MISFA: variants seen among roughly 807,000 people sequenced by gnomAD.
MISFA encodes the protein mitochondrial sheath formation-associated protein.
chr11:18,605,846 T>C, the MISFA span, among the ~76,000 whole-genome samples: 1 of 152,052 alleles, frequency 6.6e-6, no homozygotes, highest in Non-Finnish European at 1.5e-5. Flanking sequence ...CACGCCACAT[T>C]TTTGTATTTT....
At chr11:18,602,763 AAT>A in the MISFA span, 1 of 197,446 alleles carries the variant, frequency 5.1e-6, no homozygotes, top group African/African-American at 2.3e-5. Flanking sequence ...GTGACGAGTT[AAT>A]GAGTATACTG....
the MISFA span, chr11:18,606,713 A>G: frequency 7.7e-5 from 31 of 404,976 alleles, no homozygotes; most frequent in African/African-American, 5.6e-4. Context: ...CTCTCTTCAT[A>G]TATTTATTCT....
the MISFA span, among the ~76,000 whole-genome samples, chr11:18,605,738 T>C: frequency 2.0e-5 from 3 of 152,168 alleles, no homozygotes; most frequent in African/African-American, 7.2e-5. Context: ...TCACCCAGGA[T>C]AGAGTGCAGT....
At chr11:18,607,081 T>C in the MISFA span, 4 of 211,252 alleles carry the variant, frequency 1.9e-5, no homozygotes, top group Non-Finnish European at 3.8e-5. Context: ...CAGGCTGGTC[T>C]CGAACTCCTG....
chr11:18,600,071 G>A, the MISFA span: 2 of 398,632 alleles, frequency 5.0e-6, no homozygotes, highest in African/African-American at 2.1e-5. Context: ...TGGGTTTTCT[G>A]ACCAAATGGG....
the MISFA span, among the ~76,000 whole-genome samples, chr11:18,605,478 G>T: frequency 6.6e-6 from 1 of 152,224 alleles, no homozygotes; most frequent in African/African-American, 2.4e-5. Flanking sequence ...TGTTATTTGG[G>T]AAGTTTGCTT....
At chr11:18,604,917 C>G in the MISFA span, among the ~76,000 whole-genome samples, 1 of 152,110 alleles carries the variant, frequency 6.6e-6, no homozygotes, top group East Asian at 1.9e-4. Flanking sequence ...TATCCAAGAT[C>G]TTGCTGTTTA....
At chr11:18,600,114 G>A in the MISFA span, 1 of 397,880 alleles carries the variant, frequency 2.5e-6, no homozygotes, top group Admixed American at 4.4e-5. Flanking sequence ...CTAACTGGAA[G>A]TCAGAATGTG....
At chr11:18,600,195 T>A in the MISFA span, among the ~76,000 whole-genome samples, 3 of 152,170 alleles carry the variant, frequency 2.0e-5, no homozygotes, top group African/African-American at 7.2e-5. Flanking sequence ...TTTTTTATTT[T>A]TTATTTATTA....
the MISFA span, chr11:18,599,957 T>C: frequency 7.5e-6 from 3 of 399,124 alleles, no homozygotes; most frequent in Non-Finnish European, 8.8e-6. Context: ...ATGTTTTTTG[T>C]TGGACTTGTG....
chr11:18,606,814 C>T, the MISFA span: 3 of 370,056 alleles, frequency 8.1e-6, no homozygotes, highest in Non-Finnish European at 1.5e-5. Context: ...CAATTTATTT[C>T]TTGGAGAAAA....
the MISFA span, among the ~76,000 whole-genome samples, chr11:18,604,339 A>G: frequency 9.2e-5 from 14 of 151,700 alleles, no homozygotes; most frequent in African/African-American, 3.4e-4. Flanking sequence ...CTTCTGCTAC[A>G]TGGTCTCTAA....
At chr11:18,606,489 C>T in the MISFA span, 1 of 184,906 alleles carries the variant, frequency 5.4e-6, no homozygotes. Context: ...TATTCTCTTG[C>T]AGGTCAACAG....
the MISFA span, among the ~76,000 whole-genome samples, chr11:18,603,612 A>G: frequency 6.6e-6 from 1 of 152,262 alleles, no homozygotes; most frequent in Non-Finnish European, 1.5e-5. Context: ...TCAGCTCCCC[A>G]GTGCTAAGCT....
chr11:18,605,329 G>C, the MISFA span, among the ~76,000 whole-genome samples: 1 of 152,062 alleles, frequency 6.6e-6, no homozygotes, highest in Non-Finnish European at 1.5e-5. Context: ...GCCTGAGAGA[G>C]ACCTAACAGG....
At chr11:18,606,852 T>C in the MISFA span, 1 of 364,722 alleles carries the variant, frequency 2.7e-6, no homozygotes, top group Non-Finnish European at 5.1e-6. Context: ...AAAATGAAAA[T>C]TTGAGTTCCC....
chr11:18,601,155 C>T, the MISFA span: 9 of 398,568 alleles, frequency 2.3e-5, no homozygotes, highest in South Asian at 3.8e-4. Flanking sequence ...ACTGAGGAGG[C>T]GGGCTTTAGG....
At chr11:18,600,983 AGGGATTGGT>A in the MISFA span, 1 of 397,204 alleles carries the variant, frequency 2.5e-6, no homozygotes, top group Non-Finnish European at 4.4e-6. Flanking sequence ...GGGGGACGGT[AGGGATTGGT>A]GGGACCTTTT....
chr11:18,604,128 G>A, the MISFA span, among the ~76,000 whole-genome samples: 1 of 151,460 alleles, frequency 6.6e-6, no homozygotes, highest in Non-Finnish European at 1.5e-5. Flanking sequence ...GGGTTTCACC[G>A]TGTTATCCAG....
Sources: allele counts gnomAD v4.1 joint callset (sites outside exome capture counted in the v4.1 genomes callset), GRCh38; gene constraint gnomAD v4.1.1; transcripts MANE v1.5; gene names NCBI Gene and HGNC (gene_info 2026-07-23, HGNC 2026-07-21).